The following ZNF844 variants were observed in gnomAD, a reference collection of about 807,000 sequenced individuals.
ZNF844 encodes the protein zinc finger protein 844.
Under a neutral mutation model 11.4 loss-of-function variants are expected in ZNF844, and 11 were observed. That is an observed-to-expected ratio of 0.97 (90% CI 0.61 to 1.60). The LOEUF is 1.60. Ranked by LOEUF, ZNF844 falls within the 40% of genes most tolerant of loss-of-function variation. The pLI is 0.00. For synonymous variants in ZNF844, 248 were observed against 260.3 expected, an observed-to-expected ratio of 0.95 and a Z score of 0.46; for missense variants, 790 against 796.8, an observed-to-expected ratio of 0.99 and a Z score of 0.10.
chr19:12,064,858 A>G lies in ZNF844; in HGVS notation c.-16A>G, dbSNP rs376102181. 2 of 1,549,692 alleles carry G rather than the reference A, an allele frequency of 1.3e-6. No homozygotes were observed. Among genetic ancestry groups the G allele is most frequent in the Middle Eastern group, 1.7e-4 (1 of 5,988 alleles). ...TGTGACTGCTTTGGACGTGGGAGTC[A>G]CCTGAAAGCCAGGAAATGGTGAGTG... On this transcript the variant is annotated 5_prime_UTR_variant, in exon 1 of 4. Transcript: ENST00000439326.
At chr19:12,066,533 T>C (rs78524155) in intron 1 of ZNF844, among the ~76,000 whole-genome samples, 2 of 122,578 alleles carry the variant, frequency 1.6e-5, no homozygotes, top group Admixed American at 1.5e-4. Flanking sequence ...ATGTCTTCTT[T>C]TTTTTTTTTT....
Position 12,080,346 on chromosome 19 carries a change from C to CAAA in ZNF844, c.*3243_*3245dup, listed in dbSNP as rs61413798. On this transcript the variant is annotated 3_prime_UTR_variant, in exon 4 of 4. Coordinates refer to ENST00000439326, the MANE Select transcript of ZNF844 (RefSeq NM_001136501.3). ...GCGGCGACAGAGCAAGACTCCGTCT[C>CAAA]AAAAAAAAAAAAAAAAAAAAGAGAA... 2,161 of 171,772 alleles carry CAAA rather than the reference C, an allele frequency of 0.013. 1 individual carries two copies. The highest frequency in any genetic ancestry group is 0.024 in the South Asian group (578 of 23,648). 10.6% of individuals were successfully genotyped at this position (171,772 alleles called of 1,614,324 possible).
At position 12,070,943 on chromosome 19, in the gene ZNF844, A is replaced by C. The variant is rs183063627; in HGVS notation, c.4-3088A>C. ...GAGGGAAACAACTTGATTAGATATCAAGTTGGGGGGCATTCTCTCTAAACT... is the reference window on the plus strand; with the variant it reads ...GAGGGAAACAACTTGATTAGATATCCAGTTGGGGGGCATTCTCTCTAAACT... On this transcript the variant is annotated intron_variant, in intron 1 of 3. Transcript: ENST00000439326. 2.5e-3 allele frequency among the ~76,000 whole-genome samples: 381 copies of C among 152,232 alleles called. 3 individuals are homozygous for C. The highest frequency in any genetic ancestry group is 3.3e-3 in the Non-Finnish European group (225 of 68,010).
At position 12,077,660 on chromosome 19, in the gene ZNF844, C is replaced by T. The variant is rs1975846886; in HGVS notation, c.*539C>T. 1 of 527,078 alleles carries T rather than the reference C, an allele frequency of 1.9e-6. No homozygotes were observed. The highest frequency in any genetic ancestry group is 5.1e-5 in the East Asian group (1 of 19,420). 32.7% of individuals were successfully genotyped at this position (527,078 alleles called of 1,614,324 possible). A position where few individuals can be genotyped will look rare whatever the true frequency, so the allele number is the denominator to read the frequency against. On this transcript the variant is annotated 3_prime_UTR_variant, in exon 4 of 4. Transcript: ENST00000439326. The stretch of plus-strand genomic sequence containing the variant: ...AATGTAAGCAATGTGGGAAAGCCTA[C>T]AGATCTGTCTCACAACTTCTGGTGC...
intron 1 of ZNF844, among the ~76,000 whole-genome samples, chr19:12,066,768 G>T (rs1975693735): frequency 6.6e-6 from 1 of 150,698 alleles, no homozygotes; most frequent in Admixed American, 6.6e-5. Context: ...GGATGGTCTG[G>T]ATTTCCTGAC....
chr19:12,076,009 C>G lies in ZNF844; in HGVS notation c.889C>G (p.Gln297Glu). 1 of 1,575,658 alleles carries G rather than the reference C, an allele frequency of 6.3e-7. No individual in the cohort carries two copies. The highest frequency in any genetic ancestry group is 8.6e-7 in the Non-Finnish European group (1 of 1,160,132). The change falls in exon 4 of 4, where the codon CAA becomes GAA. Residue 297 changes from glutamine to glutamate, a missense_variant. By Grantham distance (29) the Gln-to-Glu change is conservative (BLOSUM62 2). Transcript: ENST00000439326. ...GKAFRWFHSFQIHERTHSEEK... is the reference protein window; with the variant it reads ...GKAFRWFHSFEIHERTHSEEK... Reference sequence around the variant, plus strand: ...AGCCTTCAGATGGTTCCATTCCTTTCAAATACATGAAAGAACTCACAGTGA... The same window carrying G: ...AGCCTTCAGATGGTTCCATTCCTTTGAAATACATGAAAGAACTCACAGTGA...
chr19:12,068,326 A>T (rs1178619031), intron 1 of ZNF844, among the ~76,000 whole-genome samples: 7 of 151,980 alleles, frequency 4.6e-5, no homozygotes, highest in Non-Finnish European at 8.8e-5. Context: ...AAAAATAGAG[A>T]TTCAAAAAAT....
At chr19:12,072,287 TCCATTTAG>T (rs758374321) in intron 1 of ZNF844, among the ~76,000 whole-genome samples, 41 of 152,354 alleles carry the variant, frequency 2.7e-4, no homozygotes, top group Non-Finnish European at 4.7e-4. Flanking sequence ...GTTTTCTTTA[TCCATTTAG>T]CCATCAGTGG....
In ZNF844 at chr19:12,080,346, C is replaced by CACA; in HGVS notation, c.*3226_*3227insCAA. On this transcript the variant is annotated 3_prime_UTR_variant, in exon 4 of 4. Transcript: ENST00000439326. ...GCGGCGACAGAGCAAGACTCCGTCT[C>CACA]AAAAAAAAAAAAAAAAAAAAGAGAA... The CACA allele has an allele frequency of 5.9e-6, 1 of 169,270 alleles. No homozygotes were observed. Among genetic ancestry groups the CACA allele is most frequent in the Non-Finnish European group, 1.1e-5 (1 of 92,048 alleles). 10.5% of individuals were successfully genotyped at this position (169,270 alleles called of 1,614,324 possible). A position where few individuals can be genotyped will look rare whatever the true frequency, so the allele number is the denominator to read the frequency against.
Position 12,080,580 on chromosome 19 carries a change from T to G in ZNF844, c.*3459T>G, listed in dbSNP as rs1975886561. 1 of 174,806 alleles carries G rather than the reference T, an allele frequency of 5.7e-6. No individual in the cohort carries two copies. The highest frequency in any genetic ancestry group is 1.2e-5 in the Non-Finnish European group (1 of 81,120). The allele number at this position is 174,806 out of a possible 1,614,324, so 10.8% of individuals were successfully genotyped here. On this transcript the variant is annotated 3_prime_UTR_variant, in exon 4 of 4. Coordinates refer to ENST00000439326, the MANE Select transcript of ZNF844 (RefSeq NM_001136501.3). ...GAATCTTTGGCTTGCCAATCAAGAA[T>G]GTCCTCAAAATTTGCTCAGAGGTGT...
chr19:12,064,743 C>A lies in ZNF844; in HGVS notation c.-131C>A. ...TGCCGTTCGCCTCAGTCTTTGGCCC[C>A]TCCCGCCGGGTGAGGTTGGCACCCC... On this transcript the variant is annotated 5_prime_UTR_variant, in exon 1 of 4. Coordinates refer to ENST00000439326, the MANE Select transcript of ZNF844 (RefSeq NM_001136501.3). 2.1e-6 allele frequency: 2 copies of A among 966,672 alleles called. No homozygotes were observed. The highest frequency in any genetic ancestry group is 3.1e-6 in the Non-Finnish European group (2 of 655,450). 59.9% of individuals were successfully genotyped at this position (966,672 alleles called of 1,614,324 possible). A position where few individuals can be genotyped will look rare whatever the true frequency, so the allele number is the denominator to read the frequency against.
At chr19:12,074,696 C>CA (rs1249727935) in intron 3 of ZNF844, among the ~76,000 whole-genome samples, 1 of 152,070 alleles carries the variant, frequency 6.6e-6, no homozygotes, top group African/African-American at 2.4e-5. Flanking sequence ...TCATCTCAAA[C>CA]AAAGAACTAG....
intron 3 of ZNF844, 112 bp from the exon 4 acceptor site, chr19:12,075,200 T>C: frequency 1.3e-6 from 1 of 771,118 alleles, no homozygotes; most frequent in East Asian, 4.1e-5. Flanking sequence ...ACTTAAAGTA[T>C]ATTAATAATA....
intron 1 of ZNF844, among the ~76,000 whole-genome samples, chr19:12,065,933 C>A (rs558076943): frequency 6.6e-6 from 1 of 152,108 alleles, no homozygotes; most frequent in East Asian, 2.0e-4. Flanking sequence ...CCTGGCCCGG[C>A]TAAAAATTGT....
Position 12,076,063 on chromosome 19 carries a change from G to A in ZNF844, c.943G>A (p.Gly315Arg). ...EEKAYECTKC[G>R]KAFKCPSYLC... is the part of the protein sequence containing the mutation. The stretch of plus-strand genomic sequence containing the variant: ...GAAGGCTTATGAATGTACCAAATGT[G>A]GGAAAGCATTCAAGTGTCCCAGTTA... The change falls in exon 4 of 4, where the codon GGG (glycine) becomes AGG (arginine). Residue 315 changes from glycine (G) to arginine (R), a missense_variant. Physicochemically the swap from Gly to Arg is moderately radical, Grantham distance 125. This residue lies in a region of ZNF844 where 657 missense variants were observed against 636.2 expected (regional missense o/e 1.03). Transcript: ENST00000439326. The A allele has an allele frequency of 6.4e-7, 1 of 1,563,736 alleles. No individual in the cohort carries two copies. Among genetic ancestry groups the A allele is most frequent in the Non-Finnish European group, 8.7e-7 (1 of 1,153,428 alleles).
At chr19:12,074,908 G>A (rs1975790014) in intron 3 of ZNF844, among the ~76,000 whole-genome samples, 1 of 152,124 alleles carries the variant, frequency 6.6e-6, no homozygotes, top group Non-Finnish European at 1.5e-5. Flanking sequence ...ATATTATGAA[G>A]AATTCTCATA....
chr19:12,068,753 C>T (rs758294984), intron 1 of ZNF844, among the ~76,000 whole-genome samples: 1 of 152,162 alleles, frequency 6.6e-6, no homozygotes. Context: ...TTTTGTGGTA[C>T]GAAATGCAAA....
Position 12,073,767 on chromosome 19 carries a change from C to G in ZNF844, c.4-264C>G, listed in dbSNP as rs1046821649. On this transcript the variant is annotated intron_variant, in intron 1 of 3. Transcript: ENST00000439326. ...GCTACAAACAGACATTAAGAGCAGC[C>G]CAGGCAGCGCACCTTTCTCCCTGGA... is the stretch of plus-strand genomic sequence containing the variant. Among the ~76,000 whole-genome samples, 3 of 152,088 alleles carry G rather than the reference C, an allele frequency of 2.0e-5. No individual in the cohort carries two copies. In the South Asian group the frequency reaches 6.2e-4, roughly 32 times the overall value.
At position 12,064,895 on chromosome 19, in the gene ZNF844, T is replaced by C. The variant is rs1255263834; in HGVS notation, c.3+19T>C. ...GGAAATGGTGAGTGTGAGCCCCCGC[T>C]GGGAGTCCCGAGACTTGGGGGAGGG... On this transcript the variant is annotated intron_variant, in intron 1 of 3. Transcript: ENST00000439326. 1 of 1,548,630 alleles carries C rather than the reference T, an allele frequency of 6.5e-7. No homozygotes were observed. The highest frequency in any genetic ancestry group is 1.4e-5 in the African/African-American group (1 of 72,886).
Sources: allele counts gnomAD v4.1 joint callset (sites outside exome capture counted in the v4.1 genomes callset), GRCh38; gene constraint gnomAD v4.1.1; regional missense constraint gnomAD v4.1.1; transcripts MANE v1.5; gene names NCBI Gene and HGNC (gene_info 2026-07-23, HGNC 2026-07-21).